Variants in LFNG observed in about 807,000 individuals in gnomAD.
LFNG encodes the protein LFNG O-fucosylpeptide 3-beta-N-acetylglucosaminyltransferase, also known as beta-1,3-N-acetylglucosaminyltransferase lunatic fringe.
LFNG carries 15 observed loss-of-function variants against 32.7 expected under a neutral mutation model. The observed-to-expected ratio is 0.46, with a 90% CI of 0.31 to 0.71. The LOEUF is 0.71. Ranked by LOEUF, LFNG falls within the 30% of genes least tolerant of loss-of-function variation. LFNG has a pLI of 0.06. For missense variants in LFNG, 520 were observed against 545.7 expected, an observed-to-expected ratio of 0.95 and a Z score of 0.47; for synonymous variants, 274 against 246.8, an observed-to-expected ratio of 1.11 and a Z score of -1.03.
chr7:2,518,686 G>A (rs751089421), upstream of LFNG: 626 of 1,529,722 alleles, frequency 4.1e-4, 1 homozygote, highest in Non-Finnish European at 5.2e-4. Context: ...GTTTAGCCAC[G>A]GTGGTGGCGG....
intron 1 of LFNG, among the ~76,000 whole-genome samples, chr7:2,521,860 G>C (rs934131666): frequency 1.3e-5 from 2 of 152,214 alleles, no homozygotes; most frequent in Non-Finnish European, 2.9e-5. Flanking sequence ...GGCAAAGCCT[G>C]CAGGCATGGG....
chr7:2,513,247 AGATGGATGGATGGATG>A, upstream of LFNG: 1 of 1,584,136 alleles, frequency 6.3e-7, no homozygotes, highest in African/African-American at 1.4e-5. Flanking sequence ...ACAGATGGAC[AGATGGATGGATGGATG>A]GATGGATGGA....
At chr7:2,517,108 G>A (rs1477238681), upstream of LFNG, among the ~76,000 whole-genome samples, 1 of 152,164 alleles carries the variant, frequency 6.6e-6, no homozygotes, top group Admixed American at 6.5e-5. Flanking sequence ...GTGGCCCAGT[G>A]GGCCCCTAGA....
chr7:2,527,253 C>T lies in LFNG; in HGVS notation c.*41C>T, dbSNP rs751878647. The T allele has an allele frequency of 1.2e-6, 2 of 1,606,464 alleles. No homozygotes were observed. The highest frequency in any genetic ancestry group is 1.7e-6 in the Non-Finnish European group (2 of 1,178,762). On this transcript the variant is annotated 3_prime_UTR_variant, in exon 8 of 8. Coordinates refer to ENST00000222725, the MANE Select transcript of LFNG (RefSeq NM_001040167.2). This position sits in a 1 kb window ranked among gnomAD's most constrained non-coding sequence, Gnocchi z 4.4. ...CCCAATCCCTGGGCGCCCCTGGTAT[C>T]CAAAGGGCCCAGGGACCCTGTTGCG...
rs944086696 is a variant in LFNG, at chr7:2,519,786, C to T, written c.-76C>T. The T allele has an allele frequency of 1.7e-5, 15 of 882,312 alleles. No homozygotes were observed. Among genetic ancestry groups the T allele is most frequent in the Non-Finnish European group, 2.1e-5 (15 of 730,240 alleles). 54.7% of individuals were successfully genotyped at this position (882,312 alleles called of 1,614,324 possible). A position where few individuals can be genotyped will look rare whatever the true frequency, so the allele number is the denominator to read the frequency against. On this transcript the variant is annotated 5_prime_UTR_variant, in exon 1 of 8. Transcript: ENST00000222725. ...CTGGTGCTGCGCTGCTGGACTGCGC[C>T]GCCGGAGCGACGGGCTTCGGGTCGG...
At chr7:2,524,883 C>G in intron 2 of LFNG, 140 bp downstream of exon 2, 1 of 771,652 alleles carries the variant, frequency 1.3e-6, no homozygotes, top group Admixed American at 2.3e-5. Context: ...GGGGTTTGCT[C>G]CATGCCCCGC....
chr7:2,524,742 G>C lies in LFNG; in HGVS notation c.480G>C (p.Thr160=). The change falls in exon 2 of 8, where the codon ACG becomes ACC. Residue 160 remains threonine (T), a splice_region_variant and synonymous_variant. Coordinates refer to ENST00000222725, the MANE Select transcript of LFNG (RefSeq NM_001040167.2). ...AAGATGAGGCCCTGGCCAGGCACAC[G>C]GGTGAGCCCTGGACTTGGGGCGGGA... ...DGEDEALARH[T]GNVVITNCSA... is the part of the protein sequence containing the mutation. The C allele has an allele frequency of 6.3e-7, 1 of 1,587,662 alleles. No homozygotes were observed. Among genetic ancestry groups the C allele is most frequent in the Non-Finnish European group, 8.6e-7 (1 of 1,167,088 alleles).
At chr7:2,517,811 A>T (rs956554061), upstream of LFNG, 18 of 1,173,276 alleles carry the variant, frequency 1.5e-5, no homozygotes, top group African/African-American at 2.5e-4. Flanking sequence ...GGACTAAGTC[A>T]CGAGGTGCGT....
Position 2,526,795 on chromosome 7 carries a change from TGTC to T in LFNG, c.988-39_988-37del, listed in dbSNP as rs748379564. On this transcript the variant is annotated intron_variant, in intron 6 of 7. Coordinates refer to ENST00000222725, the MANE Select transcript of LFNG (RefSeq NM_001040167.2). The surrounding 1 kb of genome is among the most constrained non-coding windows in gnomAD (Gnocchi z 6.9). The stretch of plus-strand genomic sequence containing the variant: ...GCCAGCCTGGGGCGGGGCCCAGGGA[TGTC>T]GGGCCCCTCCCGGCATCACTCCGCC... 3 of 1,580,802 alleles carry T rather than the reference TGTC, an allele frequency of 1.9e-6. No homozygotes were observed. The highest frequency in any genetic ancestry group is 2.6e-6 in the Non-Finnish European group (3 of 1,152,122).
chr7:2,525,869 C>G (rs981129382), intron 5 of LFNG, 99 bp downstream of exon 5: 9 of 1,048,986 alleles, frequency 8.6e-6, no homozygotes, highest in Non-Finnish European at 1.3e-5. Context: ...TGTCCCCAGC[C>G]TCCTGTGTGG....
intron 1 of LFNG, among the ~76,000 whole-genome samples, chr7:2,521,330 G>A (rs957236671): frequency 1.3e-5 from 2 of 152,160 alleles, no homozygotes; most frequent in Non-Finnish European, 2.9e-5. Flanking sequence ...TCAGCGGGCT[G>A]GCGGGAGGGG....
upstream of LFNG, chr7:2,519,746 T>A: frequency 1.8e-6 from 1 of 554,348 alleles, no homozygotes; most frequent in Non-Finnish European, 2.3e-6. Flanking sequence ...CGGGGAGGTT[T>A]AAGAGCGCGG....
At chr7:2,513,399 A>G (rs1226736067), upstream of LFNG, 1 of 1,466,434 alleles carries the variant, frequency 6.8e-7, no homozygotes, top group Non-Finnish European at 9.2e-7. Context: ...ATATCCTTTG[A>G]TGCTGTATCG....
chr7:2,512,844 C>A, intron 1 of LFNG: 1 of 794,326 alleles, frequency 1.3e-6, no homozygotes, highest in South Asian at 1.5e-5. Flanking sequence ...TCCAGCCTCA[C>A]CTCCATGAAT....
chr7:2,516,438 G>A (rs1005421604), upstream of LFNG, among the ~76,000 whole-genome samples: 3 of 152,202 alleles, frequency 2.0e-5, no homozygotes, highest in Admixed American at 1.3e-4. Flanking sequence ...AGCCAGCCCC[G>A]AGCCCTTCCC....
upstream of LFNG, among the ~76,000 whole-genome samples, chr7:2,519,691 C>T (rs1344238263): frequency 2.7e-5 from 4 of 148,784 alleles, no homozygotes; most frequent in African/African-American, 7.3e-5. Context: ...CGAGGCCCCG[C>T]CCCCGAGCCC....
At chr7:2,523,412 T>C (rs1779847899) in intron 1 of LFNG, among the ~76,000 whole-genome samples, 1 of 152,198 alleles carries the variant, frequency 6.6e-6, no homozygotes, top group African/African-American at 2.4e-5. Context: ...GATCTGAGAC[T>C]ACCAAGGTGT....
In LFNG at chr7:2,519,789, C is replaced by T. The variant is rs921355277; in HGVS notation, c.-73C>T. 2 of 906,536 alleles carry T rather than the reference C, an allele frequency of 2.2e-6. No homozygotes were observed. Among genetic ancestry groups the T allele is most frequent in the Non-Finnish European group, 2.7e-6 (2 of 751,536 alleles). 56.2% of individuals were successfully genotyped at this position (906,536 alleles called of 1,614,324 possible). A position where few individuals can be genotyped will look rare whatever the true frequency, so the allele number is the denominator to read the frequency against. On this transcript the variant is annotated 5_prime_UTR_variant, in exon 1 of 8. Coordinates refer to ENST00000222725, the MANE Select transcript of LFNG (RefSeq NM_001040167.2). The stretch of plus-strand genomic sequence containing the variant: ...GTGCTGCGCTGCTGGACTGCGCCGC[C>T]GGAGCGACGGGCTTCGGGTCGGTGC...
rs1181202673 is a variant in LFNG at position 2,520,054 on chromosome 7, G to T, written c.193G>T (p.Gly65Trp). 1 of 1,133,596 alleles carries T rather than the reference G, an allele frequency of 8.8e-7. No individual in the cohort carries two copies. The highest frequency in any genetic ancestry group is 1.1e-6 in the Non-Finnish European group (1 of 924,744). The allele number at this position is 1,133,596 out of a possible 1,614,324, so 70.2% of individuals were successfully genotyped here. The change falls in exon 1 of 8, where the codon GGG becomes TGG. Residue 65 changes from glycine (G) to tryptophan (W), a missense_variant. Transcript: ENST00000222725. The surrounding 1 kb of genome is among the most constrained non-coding windows in gnomAD (Gnocchi z 5.0). ...PGLGAAAAAP[G>W]ALVRDVHSLS... is the part of the protein sequence containing the mutation. ...GCTGGGGGCGGCGGCGGCGGCGCCCGGGGCGCTGGTCCGCGACGTGCACAG... is the reference window on the plus strand; with the variant it reads ...GCTGGGGGCGGCGGCGGCGGCGCCCTGGGCGCTGGTCCGCGACGTGCACAG...
Sources: allele counts gnomAD v4.1 joint callset (sites outside exome capture counted in the v4.1 genomes callset), GRCh38; gene constraint gnomAD v4.1.1; non-coding constraint Gnocchi (gnomAD v3.1); transcripts MANE v1.5; gene names NCBI Gene and HGNC (gene_info 2026-07-23, HGNC 2026-07-21).